PGM2: variants seen among roughly 807,000 people sequenced by gnomAD.
PGM2 encodes the protein phosphopentomutase.
PGM2 carries 57 observed loss-of-function variants against 74.6 expected under a neutral mutation model. The ratio of observed to expected loss-of-function variants is 0.76; its 90% CI spans 0.62 to 0.95. PGM2 has a LOEUF of 0.95. PGM2 is among the 40% of genes least tolerant of loss of function. The pLI, the probability that PGM2 is intolerant of heterozygous loss-of-function variation, is 0.00. For missense variants in PGM2, 706 were observed against 741.9 expected, an observed-to-expected ratio of 0.95 and a Z score of 0.56; for synonymous variants, 273 against 260.7, an observed-to-expected ratio of 1.05 and a Z score of -0.46.
intron 6 of PGM2, among the ~76,000 whole-genome samples, chr4:37,842,983 C>T (rs12509391): frequency 0.45 from 68,386 of 151,934 alleles, 17,421 homozygotes; most frequent in Non-Finnish European, 0.59. Flanking sequence ...TTCATTTAAT[C>T]CTCAGAGTAA....
intron 2 of PGM2, among the ~76,000 whole-genome samples, chr4:37,830,739 C>G (rs1388074090): frequency 6.6e-6 from 1 of 152,140 alleles, no homozygotes; most frequent in Non-Finnish European, 1.5e-5. Flanking sequence ...TCACCTTAGA[C>G]CTGTTGATGA....
At chr4:37,829,280 G>T (rs920708020) in intron 1 of PGM2, among the ~76,000 whole-genome samples, 1 of 152,108 alleles carries the variant, frequency 6.6e-6, no homozygotes, top group Non-Finnish European at 1.5e-5. Context: ...CTAGATTAAT[G>T]TTTATCTTGC....
intron 13 of PGM2, among the ~76,000 whole-genome samples, chr4:37,857,840 G>T (rs761989725): frequency 6.6e-6 from 1 of 152,048 alleles, no homozygotes; most frequent in African/African-American, 2.4e-5. Flanking sequence ...TCTTGTTTTC[G>T]TGTGCATTAG....
In PGM2 at chr4:37,844,349, T is replaced by G. The variant is rs1305873946; in HGVS notation, c.720-15T>G. Reference sequence around the variant, plus strand: ...TTCTGCCTTGTATCATTTTCCACTGTGTATCTGATTCTAGGAGCGTGAACA... The same window carrying G: ...TTCTGCCTTGTATCATTTTCCACTGGGTATCTGATTCTAGGAGCGTGAACA... On this transcript the variant is annotated splice_polypyrimidine_tract_variant and intron_variant, in intron 6 of 13. Coordinates refer to ENST00000381967, the MANE Select transcript of PGM2 (RefSeq NM_018290.4). 1 of 1,570,172 alleles carries G rather than the reference T, an allele frequency of 6.4e-7. No individual in the cohort carries two copies. The highest frequency in any genetic ancestry group is 1.4e-5 in the African/African-American group (1 of 73,530).
intron 8 of PGM2, among the ~76,000 whole-genome samples, chr4:37,846,298 G>A (rs1054486690): frequency 6.6e-6 from 1 of 151,294 alleles, no homozygotes; most frequent in East Asian, 1.9e-4. Context: ...GTGATGTTTT[G>A]GGGGCAGGAG....
intron 3 of PGM2, among the ~76,000 whole-genome samples, chr4:37,836,048 A>G (rs969411230): frequency 6.6e-6 from 1 of 152,206 alleles, no homozygotes; most frequent in Non-Finnish European, 1.5e-5. Context: ...AGAGCATGCA[A>G]AGTGCACGTA....
At chr4:37,852,491 T>C (rs1425558670) in intron 12 of PGM2, among the ~76,000 whole-genome samples, 1 of 119,798 alleles carries the variant, frequency 8.3e-6, no homozygotes, top group East Asian at 2.3e-4. Flanking sequence ...TATATTTATT[T>C]TCCTAGATCA....
chr4:37,854,214 C>G (rs546550324), intron 12 of PGM2, among the ~76,000 whole-genome samples: 4 of 152,294 alleles, frequency 2.6e-5, no homozygotes, highest in African/African-American at 7.2e-5. Flanking sequence ...TTATGCTATT[C>G]AAAGTACCTC....
intron 13 of PGM2, 118 bp from the exon 14 acceptor site, chr4:37,861,392 C>T (rs28402184): frequency 0.4 from 252,773 of 630,424 alleles, 56,727 homozygotes; most frequent in Non-Finnish European, 0.48. Context: ...CTTTTTTTTC[C>T]TATTTAGTCC....
intron 6 of PGM2, among the ~76,000 whole-genome samples, chr4:37,841,721 T>C (rs1056817939): frequency 6.6e-6 from 1 of 152,254 alleles, no homozygotes; most frequent in Non-Finnish European, 1.5e-5. Context: ...GAACTTTCCC[T>C]CTGCCCCTCT....
At chr4:37,834,291 G>A (rs1725507948) in intron 2 of PGM2, among the ~76,000 whole-genome samples, 1 of 151,588 alleles carries the variant, frequency 6.6e-6, no homozygotes, top group Non-Finnish European at 1.5e-5. Flanking sequence ...AACTATGATT[G>A]TGCCATTGCA....
intron 6 of PGM2, among the ~76,000 whole-genome samples, chr4:37,841,332 G>T (rs376724053): frequency 2.1e-3 from 324 of 152,088 alleles, no homozygotes; most frequent in African/African-American, 7.6e-3. Flanking sequence ...TTACCATCAG[G>T]TAGGAAGAGG....
chr4:37,861,475 C>A (rs761937517), intron 13 of PGM2, 35 bp from the exon 14 acceptor site: 8 of 1,402,530 alleles, frequency 5.7e-6, no homozygotes, highest in Non-Finnish European at 8.1e-6. Context: ...TGGAATAATC[C>A]CTTGACCTGG....
chr4:37,853,445 A>G lies in PGM2; in HGVS notation c.1603-2163A>G, dbSNP rs115839775. 2.5e-3 allele frequency among the ~76,000 whole-genome samples: 369 copies of G among 145,450 alleles called. 2 individuals are homozygous for G. Among genetic ancestry groups the G allele is most frequent in the African/African-American group, 9.1e-3 (351 of 38,702 alleles). ...CCTAATTATAGTTTTTTAAAAATAT[A>G]TGTCTTCTTTTTCTGCTACATTCTC... On this transcript the variant is annotated intron_variant, in intron 12 of 13. Transcript: ENST00000381967.
intron 4 of PGM2, among the ~76,000 whole-genome samples, chr4:37,838,716 T>C (rs1725630020): frequency 6.6e-6 from 1 of 152,228 alleles, no homozygotes; most frequent in Non-Finnish European, 1.5e-5. Context: ...AAAATTGTCA[T>C]GTATTCAAGC....
In PGM2 at chr4:37,839,901, T is replaced by A; in HGVS notation, c.495T>A (p.Ser165=). The A allele has an allele frequency of 1.2e-6, 2 of 1,604,804 alleles. No individual in the cohort carries two copies. The highest frequency in any genetic ancestry group is 1.7e-6 in the Non-Finnish European group (2 of 1,171,500). ...KLCAGIMITA[S]HNPKQDNGYK... ...GTGCTGGAATCATGATAACTGCATC[T>A]CACAATCCAAAGCAGGATAATGGTT... Residue 165 remains serine (S), a synonymous_variant, in exon 5 of 14, where the codon TCT becomes TCA. Transcript: ENST00000381967.
intron 3 of PGM2, among the ~76,000 whole-genome samples, chr4:37,837,099 T>C (rs910282061): frequency 2.0e-5 from 3 of 152,192 alleles, no homozygotes; most frequent in Non-Finnish European, 4.4e-5. Flanking sequence ...GACCTCTCCC[T>C]ACTAGCTGCC....
chr4:37,856,693 A>G (rs900299672), intron 13 of PGM2, among the ~76,000 whole-genome samples: 1 of 152,172 alleles, frequency 6.6e-6, no homozygotes, highest in African/African-American at 2.4e-5. Context: ...GTTAACCAGC[A>G]TTTCCCTATT....
intron 6 of PGM2, among the ~76,000 whole-genome samples, chr4:37,840,960 G>A (rs1285004758): frequency 1.1e-4 from 15 of 139,296 alleles, no homozygotes; most frequent in Admixed American, 2.3e-4. Context: ...GTGTGTGTGT[G>A]TGTGTATATA....
Sources: allele counts gnomAD v4.1 joint callset (sites outside exome capture counted in the v4.1 genomes callset), GRCh38; gene constraint gnomAD v4.1.1; transcripts MANE v1.5; gene names NCBI Gene and HGNC (gene_info 2026-07-23, HGNC 2026-07-21).